Variants in PPFIA2 observed in about 807,000 individuals in gnomAD.
PPFIA2 encodes the protein liprin-alpha-2.
In PPFIA2, 46 loss-of-function variants were observed where a neutral mutation model predicts 175.5. The observed-to-expected ratio is 0.26, with a 90% confidence interval of 0.21 to 0.34. The LOEUF is 0.34. Among genes scored for constraint, PPFIA2 ranks in the 10% least tolerant of loss-of-function variants. The pLI is 1.00. For synonymous variants in PPFIA2, 568 were observed against 511.4 expected, an observed-to-expected ratio of 1.11 and a Z score of -1.49; for missense variants, 1,179 against 1,506.1, an observed-to-expected ratio of 0.78 and a Z score of 3.60.
intron 4 of PPFIA2, among the ~76,000 whole-genome samples, chr12:81,607,599 A>G (rs2060461112): frequency 1.3e-5 from 2 of 151,942 alleles, no homozygotes. Flanking sequence ...TTTTAGCCTA[A>G]ACATTATTGA....
At chr12:81,574,582 C>T (rs2073169262) in intron 4 of PPFIA2, among the ~76,000 whole-genome samples, 1 of 151,726 alleles carries the variant, frequency 6.6e-6, no homozygotes, top group African/African-American at 2.4e-5. Flanking sequence ...GCAAAACCTA[C>T]TAAGTACCTT....
At chr12:81,681,515 T>G (rs9651930) in intron 3 of PPFIA2, among the ~76,000 whole-genome samples, 1 of 151,792 alleles carries the variant, frequency 6.6e-6, no homozygotes, top group Non-Finnish European at 1.5e-5. Context: ...TTCTCAGACT[T>G]GAGGAGTCTA....
At chr12:81,576,330 A>G (rs2073537649) in intron 4 of PPFIA2, among the ~76,000 whole-genome samples, 1 of 151,744 alleles carries the variant, frequency 6.6e-6, no homozygotes, top group South Asian at 2.1e-4. Context: ...AGCAGTCCAG[A>G]CACATGGCTG....
chr12:81,416,374 C>T (rs548570371), intron 7 of PPFIA2, among the ~76,000 whole-genome samples: 1 of 151,580 alleles, frequency 6.6e-6, no homozygotes, highest in Non-Finnish European at 1.5e-5. Context: ...GTAAACAGTA[C>T]TGAGAAGTGC....
At chr12:81,569,381 C>A (rs1055658599) in intron 4 of PPFIA2, among the ~76,000 whole-genome samples, 4 of 152,100 alleles carry the variant, frequency 2.6e-5, no homozygotes, top group Admixed American at 2.6e-4. Context: ...AAGTAATGTG[C>A]ATTTACTCCA....
At chr12:81,659,274 A>C (rs950119217) in intron 4 of PPFIA2, among the ~76,000 whole-genome samples, 2 of 152,222 alleles carry the variant, frequency 1.3e-5, no homozygotes, top group Non-Finnish European at 2.9e-5. Context: ...GCATCACCTC[A>C]CCCGGGAAGC....
intron 7 of PPFIA2, among the ~76,000 whole-genome samples, chr12:81,412,762 G>T (rs1361505805): frequency 2.6e-5 from 4 of 151,840 alleles, no homozygotes; most frequent in Admixed American, 1.3e-4. Context: ...ACTTTATATT[G>T]TATTTGTTTG....
chr12:81,383,546 G>A (rs2038244745), intron 9 of PPFIA2, among the ~76,000 whole-genome samples: 1 of 151,878 alleles, frequency 6.6e-6, no homozygotes, highest in Non-Finnish European at 1.5e-5. Flanking sequence ...ATGTCTAACA[G>A]GAATTTAATA....
rs116407540 is a variant in PPFIA2 at position 81,614,093 on chromosome 12, A to T, written c.303+62698T>A. 1.2e-3 allele frequency among the ~76,000 whole-genome samples: 179 copies of T among 152,170 alleles called. 2 individuals are homozygous for T. The highest frequency in any genetic ancestry group is 4.1e-3 in the African/African-American group (171 of 41,532). On this transcript the variant is annotated intron_variant, in intron 4 of 32. Transcript: ENST00000549396. ...ACTGTCTAGTAGGTTAGATTGTTTT[A>T]AAAAAAGATTTTTATGGATTGTTTT... is the stretch of plus-strand genomic sequence containing the variant.
intron 16 of PPFIA2, among the ~76,000 whole-genome samples, chr12:81,357,166 T>C (rs1027477853): frequency 3.3e-5 from 5 of 152,234 alleles, no homozygotes; most frequent in Non-Finnish European, 5.9e-5. Flanking sequence ...CAATTTGTTT[T>C]GGTATCAAGT....
chr12:81,636,250 T>A (rs1305597471), intron 4 of PPFIA2, among the ~76,000 whole-genome samples: 1 of 150,422 alleles, frequency 6.6e-6, no homozygotes, highest in African/African-American at 2.4e-5. Context: ...ATTGTATCAA[T>A]CATAACTCTC....
At chr12:81,516,872 G>A (rs1212984317) in intron 4 of PPFIA2, among the ~76,000 whole-genome samples, 4 of 152,054 alleles carry the variant, frequency 2.6e-5, no homozygotes, top group Admixed American at 6.6e-5. Flanking sequence ...TTTTTGGAAG[G>A]TTAACTAAGG....
At chr12:81,659,818 C>A (rs2068485730) in intron 4 of PPFIA2, among the ~76,000 whole-genome samples, 1 of 152,184 alleles carries the variant, frequency 6.6e-6, no homozygotes, top group African/African-American at 2.4e-5. Flanking sequence ...TACGGGCAGA[C>A]TGACACCTCA....
intron 4 of PPFIA2, among the ~76,000 whole-genome samples, chr12:81,614,555 G>A (rs892593665): frequency 2.0e-5 from 3 of 152,068 alleles, no homozygotes; most frequent in Admixed American, 6.6e-5. Context: ...CAAAACTGTG[G>A]AGTAGACTAA....
At chr12:81,315,664 C>T (rs1247565835) in intron 22 of PPFIA2, among the ~76,000 whole-genome samples, 3 of 151,594 alleles carry the variant, frequency 2.0e-5, no homozygotes, top group Non-Finnish European at 4.4e-5. Flanking sequence ...GGGTAATGAA[C>T]AACAATGGAA....
intron 7 of PPFIA2, among the ~76,000 whole-genome samples, chr12:81,416,145 A>C (rs563110789): frequency 9.2e-5 from 14 of 151,686 alleles, no homozygotes; most frequent in Non-Finnish European, 1.9e-4. Context: ...ATATGGAAGA[A>C]TAGTAAGAAA....
chr12:81,472,966 AT>A (rs2056961297), intron 4 of PPFIA2: 1 of 152,220 alleles, frequency 6.6e-6, no homozygotes, highest in African/African-American at 2.4e-5. Context: ...CTCACATATT[AT>A]CTTAATCTTT....
rs1333769308 is a variant in PPFIA2, at chr12:81,368,769, G to A, written c.1438C>T (p.Leu480=). 6.2e-6 allele frequency: 10 copies of A among 1,610,608 alleles called. No homozygotes were observed. The highest frequency in any genetic ancestry group is 8.5e-6 in the Non-Finnish European group (10 of 1,177,772). The change falls in exon 13 of 33, where the codon CTA becomes TTA. Residue 480 remains leucine, a synonymous_variant. Coordinates refer to ENST00000549396, the MANE Select transcript of PPFIA2 (RefSeq NM_003625.5). The part of the protein sequence containing the change: ...DRLLTESNER[L]QLHLKERMAA... ...ATTCTTTCCTTTAAGTGTAGTTGTA[G>A]GCGTTCATTGGATTCAGTCAGAAGT...
At position 81,325,826 on chromosome 12, in the gene PPFIA2, A is replaced by T. The variant is rs766641553; in HGVS notation, c.2593T>A (p.Leu865Ile). The change falls in exon 22 of 33, where the codon TTA (leucine) becomes ATA (isoleucine). Residue 865 changes from leucine to isoleucine, a missense_variant. Coordinates refer to ENST00000549396, the MANE Select transcript of PPFIA2 (RefSeq NM_003625.5). ...TEAAAQESLGLGKLGTQAEKD... is the reference protein window; with the variant it reads ...TEAAAQESLGIGKLGTQAEKD... ...TCAGCTTGAGTTCCGAGTTTGCCTA[A>T]CCCCAGGGACTCCTGAGCTGCAGCT... The T allele has an allele frequency of 6.2e-7, 1 of 1,612,820 alleles. No individual in the cohort carries two copies. The highest frequency in any genetic ancestry group is 1.7e-5 in the Admixed American group (1 of 59,940).
Sources: gnomAD v4.1 joint callset for allele counts (sites outside exome capture counted in the v4.1 genomes callset) on GRCh38, gnomAD v4.1.1 for gene constraint, MANE v1.5 for transcripts, NCBI Gene and HGNC (gene_info 2026-07-23, HGNC 2026-07-21) for gene names.